Variants in MACROD2 observed in about 807,000 individuals in gnomAD.
The protein encoded by MACROD2 is ADP-ribose glycohydrolase MACROD2.
In MACROD2, 36 loss-of-function variants were observed where a neutral mutation model predicts 70.4. The ratio of observed to expected loss-of-function variants is 0.51; its 90% CI spans 0.39 to 0.68. The LOEUF (loss-of-function observed/expected upper bound fraction) is 0.68. Among genes scored for constraint, MACROD2 ranks in the 30% least tolerant of loss-of-function variants. The probability of loss-of-function intolerance (pLI) is 0.00; values close to 1 mark genes in which losing one functional copy is unlikely to be tolerated. For synonymous variants in MACROD2, 172 were observed against 178.8 expected (o/e 0.96, Z 0.30); for missense variants, 496 against 538.4 (o/e 0.92, Z 0.78).
chr20:15,800,581 A>G (rs2063715060), intron 8 of MACROD2, among the ~76,000 whole-genome samples: 1 of 152,184 alleles, frequency 6.6e-6, no homozygotes, highest in Non-Finnish European at 1.5e-5. Context: ...GTTGAAAATC[A>G]GTTGGCTGAG....
intron 8 of MACROD2, among the ~76,000 whole-genome samples, chr20:15,667,003 A>G (rs529126376): frequency 9.9e-5 from 15 of 152,110 alleles, no homozygotes; most frequent in Non-Finnish European, 2.1e-4. Flanking sequence ...TTCTTTTTCT[A>G]TCTATCTATC....
At chr20:14,276,272 A>G (rs1005366319) in intron 3 of MACROD2, among the ~76,000 whole-genome samples, 4 of 151,176 alleles carry the variant, frequency 2.6e-5, no homozygotes, top group Admixed American at 6.6e-5. Context: ...TGTGGCACAT[A>G]TACACCATGG....
intron 8 of MACROD2, among the ~76,000 whole-genome samples, chr20:15,764,988 T>C (rs1276360323): frequency 1.3e-5 from 2 of 152,150 alleles, no homozygotes; most frequent in Non-Finnish European, 2.9e-5. Context: ...GCCTTTTCAC[T>C]TGCTGTTCCC....
chr20:15,021,156 C>G lies in MACROD2; in HGVS notation c.419-208784C>G, dbSNP rs566357105. ...CACATACGTGTGTGTATACACACAC[C>G]TGTGTGTATGTATACACATACAGGT... is the stretch of plus-strand genomic sequence containing the variant. On this transcript the variant is annotated intron_variant, in intron 5 of 17. Coordinates refer to ENST00000684519, the MANE Select transcript of MACROD2 (RefSeq NM_001351661.2). 1.8e-3 allele frequency among the ~76,000 whole-genome samples: 215 copies of G among 119,300 alleles called. 16 individuals are homozygous for G. Among genetic ancestry groups the G allele is most frequent in the African/African-American group, 6.1e-3 (175 of 28,694 alleles). 78.3% of individuals were successfully genotyped at this position (119,300 alleles called of 152,430 possible). A position where few individuals can be genotyped will look rare whatever the true frequency, so the allele number is the denominator to read the frequency against.
chr20:14,732,419 A>G (rs1171248880), intron 5 of MACROD2, among the ~76,000 whole-genome samples: 1 of 152,166 alleles, frequency 6.6e-6, no homozygotes, highest in Non-Finnish European at 1.5e-5. Context: ...ATAGACACCA[A>G]TAAATATAAG....
At chr20:14,287,175 A>T (rs1436420338) in intron 3 of MACROD2, among the ~76,000 whole-genome samples, 1 of 152,162 alleles carries the variant, frequency 6.6e-6, no homozygotes, top group African/African-American at 2.4e-5. Context: ...TAAGAGGCAA[A>T]TTCTTAGAAT....
intron 8 of MACROD2, among the ~76,000 whole-genome samples, chr20:15,500,234 C>G (rs1375557807): frequency 6.6e-6 from 1 of 152,154 alleles, no homozygotes; most frequent in Non-Finnish European, 1.5e-5. Flanking sequence ...CAGTAATTGT[C>G]TGGTATCTGT....
intron 7 of MACROD2, among the ~76,000 whole-genome samples, chr20:15,471,032 A>G (rs1184248801): frequency 6.6e-6 from 1 of 152,078 alleles, no homozygotes; most frequent in African/African-American, 2.4e-5. Flanking sequence ...CCTATGGTTG[A>G]TTATATCAAC....
chr20:14,096,620 G>A (rs573289551), intron 3 of MACROD2, among the ~76,000 whole-genome samples: 4 of 151,856 alleles, frequency 2.6e-5, no homozygotes, highest in Non-Finnish European at 5.9e-5. Flanking sequence ...CTGCCCATCC[G>A]GCCTCCAAAA....
chr20:15,427,508 G>C (rs1191873262), intron 6 of MACROD2, among the ~76,000 whole-genome samples: 1 of 137,318 alleles, frequency 7.3e-6, no homozygotes, highest in East Asian at 2.0e-4. Context: ...TAGAATGCTA[G>C]ATGTTTATTA....
chr20:15,172,140 C>T (rs574881232), intron 5 of MACROD2, among the ~76,000 whole-genome samples: 1 of 152,194 alleles, frequency 6.6e-6, no homozygotes, highest in East Asian at 1.9e-4. Flanking sequence ...ATTCATAAGA[C>T]AGTGAGAAGC....
At chr20:15,958,940 T>A (rs975256079) in intron 12 of MACROD2, among the ~76,000 whole-genome samples, 2 of 152,178 alleles carry the variant, frequency 1.3e-5, no homozygotes, top group Non-Finnish European at 2.9e-5. Context: ...GATCTTAGAT[T>A]TCCAACCTCC....
chr20:15,166,117 C>T (rs566466567), intron 5 of MACROD2, among the ~76,000 whole-genome samples: 49 of 152,036 alleles, frequency 3.2e-4, no homozygotes, highest in Non-Finnish European at 5.6e-4. Flanking sequence ...CAAATGGGCA[C>T]GGAGGATCTT....
In MACROD2 at chr20:15,479,272, T is replaced by G. The variant is rs2047063047; in HGVS notation, c.572-20502T>G. On this transcript the variant is annotated intron_variant, in intron 7 of 17. Transcript: ENST00000684519. ...GTACTAGATTCTCGCTCTCTTTTTTTTTTTTTTTTTTTTTTTTTGAGACGG... is the reference window on the plus strand; with the variant it reads ...GTACTAGATTCTCGCTCTCTTTTTTGTTTTTTTTTTTTTTTTTTGAGACGG... 2.8e-5 allele frequency among the ~76,000 whole-genome samples: 3 copies of G among 107,318 alleles called. No homozygotes were observed. In the South Asian group the frequency reaches 9.6e-4, roughly 34 times the overall value. 70.4% of individuals were successfully genotyped at this position (107,318 alleles called of 152,430 possible).
chr20:15,187,203 C>T (rs935822185), intron 5 of MACROD2, among the ~76,000 whole-genome samples: 1 of 152,148 alleles, frequency 6.6e-6, no homozygotes, highest in African/African-American at 2.4e-5. Context: ...ATTTTACTGA[C>T]TGTGTGACTT....
At chr20:15,267,776 G>T (rs374733623) in intron 6 of MACROD2, among the ~76,000 whole-genome samples, 29 of 152,274 alleles carry the variant, frequency 1.9e-4, no homozygotes, top group African/African-American at 6.7e-4. Context: ...ATGGGACGGG[G>T]CCTTGGGAAG....
intron 4 of MACROD2, among the ~76,000 whole-genome samples, chr20:14,537,567 G>A (rs188697560): frequency 3.9e-5 from 6 of 152,252 alleles, no homozygotes; most frequent in Admixed American, 3.3e-4. Flanking sequence ...GGAGCTGTTG[G>A]TGTGTATAGG....
At chr20:14,023,232 G>T (rs554554692) in intron 2 of MACROD2, among the ~76,000 whole-genome samples, 5 of 152,046 alleles carry the variant, frequency 3.3e-5, no homozygotes, top group South Asian at 2.1e-4. Flanking sequence ...CATATCCTTC[G>T]CCCTTTTTGA....
intron 5 of MACROD2, among the ~76,000 whole-genome samples, chr20:14,902,975 A>C (rs961329094): frequency 3.9e-5 from 6 of 151,916 alleles, no homozygotes; most frequent in African/African-American, 1.5e-4. Flanking sequence ...CTGTCAGCAA[A>C]ACCCATGTAG....
Sources: gnomAD v4.1 joint callset for allele counts (sites outside exome capture counted in the v4.1 genomes callset) on GRCh38, gnomAD v4.1.1 for gene constraint, MANE v1.5 for transcripts, NCBI Gene and HGNC (gene_info 2026-07-23, HGNC 2026-07-21) for gene names.